Variants in SLFN5 observed in about 807,000 individuals in gnomAD.
The protein encoded by SLFN5 is schlafen family member 5.
Under a neutral mutation model 48.5 loss-of-function variants are expected in SLFN5, and 34 were observed. The observed-to-expected ratio is 0.70, with a 90% CI of 0.53 to 0.93. The LOEUF is 0.93. Among genes scored for constraint, SLFN5 ranks in the 40% least tolerant of loss-of-function variants. SLFN5 has a pLI of 0.00. For missense variants in SLFN5, 1,006 were observed against 1,071.3 expected (o/e 0.94, Z 0.85); for synonymous variants, 387 against 396.2 (o/e 0.98, Z 0.28).
At chr17:35,244,576 G>A (rs1028198835) in intron 1 of SLFN5, among the ~76,000 whole-genome samples, 5 of 152,314 alleles carry the variant, frequency 3.3e-5, no homozygotes, top group Admixed American at 6.5e-5. Context: ...TCCTGTGGCA[G>A]GATAACAGAC....
rs969024865 is a variant in SLFN5, at chr17:35,272,467, A to T, written c.*6579A>T. The T allele has an allele frequency of 6.6e-6, 1 of 152,168 alleles. No individual in the cohort carries two copies. Among genetic ancestry groups the T allele is most frequent in the African/African-American group, 2.4e-5 (1 of 41,436 alleles). The allele number at this position is 152,168 out of a possible 1,614,324, so 9.4% of individuals were successfully genotyped here. On this transcript the variant is annotated 3_prime_UTR_variant, in exon 5 of 5. Transcript: ENST00000299977. ...AGTGCATGAAGAAGAAGTAGCACTT[A>T]AAAAAATAATAATCTCAGCATGGGG...
chr17:35,245,374 G>T (rs2092428390), intron 1 of SLFN5, among the ~76,000 whole-genome samples: 1 of 152,166 alleles, frequency 6.6e-6, no homozygotes, highest in Non-Finnish European at 1.5e-5. Flanking sequence ...AGAGGGAGTG[G>T]ATGGCATGAG....
At chr17:35,259,813 C>A in intron 2 of SLFN5, 111 bp downstream of exon 2, 1 of 1,295,992 alleles carries the variant, frequency 7.7e-7, no homozygotes, top group Non-Finnish European at 1.0e-6. Context: ...AAGAGATTTA[C>A]TCTCTGATTT....
At chr17:35,256,236 G>A (rs1197694744) in intron 1 of SLFN5, among the ~76,000 whole-genome samples, 3 of 152,258 alleles carry the variant, frequency 2.0e-5, no homozygotes, top group African/African-American at 7.2e-5. Flanking sequence ...GCAGGCACCT[G>A]TAGTCCCAGA....
chr17:35,245,155 G>A (rs115143216), intron 1 of SLFN5, among the ~76,000 whole-genome samples: 2,351 of 152,216 alleles, frequency 0.015, 73 homozygotes, highest in African/African-American at 0.053. Flanking sequence ...CTTAAAGAAA[G>A]CACTTAAAGA....
intron 1 of SLFN5, among the ~76,000 whole-genome samples, chr17:35,246,093 T>C (rs949726927): frequency 5.3e-5 from 8 of 152,222 alleles, no homozygotes; most frequent in African/African-American, 1.7e-4. Flanking sequence ...CGACTAATGA[T>C]GTTGAGCATA....
chr17:35,245,319 C>T (rs1042927427), intron 1 of SLFN5, among the ~76,000 whole-genome samples: 4 of 152,112 alleles, frequency 2.6e-5, no homozygotes, highest in Non-Finnish European at 2.9e-5. Context: ...GTAGCATATA[C>T]GGGGTGAGTA....
In SLFN5 at chr17:35,266,099, G is replaced by T; in HGVS notation, c.*211G>T. 2 of 529,602 alleles carry T rather than the reference G, an allele frequency of 3.8e-6. No individual in the cohort carries two copies. The highest frequency in any genetic ancestry group is 6.6e-6 in the Non-Finnish European group (2 of 303,398). The allele number at this position is 529,602 out of a possible 1,614,324, so 32.8% of individuals were successfully genotyped here. ...ACAGATAGACAAGGAATTTCCCATG[G>T]TAAAAAGGGATATCAGTAATTAGAG... On this transcript the variant is annotated 3_prime_UTR_variant, in exon 5 of 5. Coordinates refer to ENST00000299977, the MANE Select transcript of SLFN5 (RefSeq NM_144975.4).
rs1489169016 is a variant in SLFN5, at chr17:35,264,885, C to T, written c.1841C>T (p.Pro614Leu). ...ANILYICENQ[P>L]LKKLVSFSKK... Reference sequence around the variant, plus strand: ...ATTCTCTACATCTGTGAAAACCAGCCCCTGAAGAAGTTGGTGAGGTATGCT... The same window carrying T: ...ATTCTCTACATCTGTGAAAACCAGCTCCTGAAGAAGTTGGTGAGGTATGCT... Residue 614 changes from proline (P) to leucine (L), a missense_variant, in exon 4 of 5, where the codon CCC becomes CTC. Pro to Leu is a moderately conservative substitution (Grantham distance 98). Transcript: ENST00000299977. 2 of 1,562,524 alleles carry T rather than the reference C, an allele frequency of 1.3e-6. No individual in the cohort carries two copies. Among genetic ancestry groups the T allele is most frequent in the Admixed American group, 2.0e-5 (1 of 49,000 alleles).
Position 35,264,666 on chromosome 17 carries a change from A to G in SLFN5, c.1622A>G (p.Lys541Arg), listed in dbSNP as rs759861649. 6 of 1,613,816 alleles carry G rather than the reference A, an allele frequency of 3.7e-6. No individual in the cohort carries two copies. The Admixed American group carries it at 8.3e-5, about 22-fold the overall frequency. Residue 541 changes from lysine (K) to arginine (R), a missense_variant, in exon 4 of 5, where the codon AAA (lysine) becomes AGA (arginine). Physicochemically the swap from Lys to Arg is conservative, Grantham distance 26. Transcript: ENST00000299977. ...QSLVIVLLGFKSFLSEELGSE... is the reference protein window; with the variant it reads ...QSLVIVLLGFRSFLSEELGSE... The stretch of plus-strand genomic sequence containing the variant: ...CTCGTGATAGTCTTGCTTGGGTTCA[A>G]ATCCTTCTTAAGTGAAGAGCTGGGC...
rs1308507037 is a variant in SLFN5 at position 35,266,206 on chromosome 17, G to A, written c.*318G>A. 2 of 197,796 alleles carry A rather than the reference G, an allele frequency of 1.0e-5. No individual in the cohort carries two copies. Among genetic ancestry groups the A allele is most frequent in the Non-Finnish European group, 1.0e-5 (1 of 97,396 alleles). The allele number at this position is 197,796 out of a possible 1,614,324, so 12.3% of individuals were successfully genotyped here. A position where few individuals can be genotyped will look rare whatever the true frequency, so the allele number is the denominator to read the frequency against. The stretch of plus-strand genomic sequence containing the variant: ...CGCGCGCACGTGCACATGTGTGTAG[G>A]TAGATGGAGGGGGTGATTATTTTGG... On this transcript the variant is annotated 3_prime_UTR_variant, in exon 5 of 5. Transcript: ENST00000299977.
chr17:35,250,754 G>A (rs2092440609), intron 1 of SLFN5, among the ~76,000 whole-genome samples: 1 of 151,910 alleles, frequency 6.6e-6, no homozygotes, highest in East Asian at 1.9e-4. Context: ...ACTTTGTTCA[G>A]AGAACAAGGA....
chr17:35,259,364 G>T lies in SLFN5; in HGVS notation c.674G>T (p.Gly225Val). ...TCTGCATTTGCAAATACTGAAGGAGGATATGTATTTTTTGGTGTGCATGAT... is the reference window on the plus strand; with the variant it reads ...TCTGCATTTGCAAATACTGAAGGAGTATATGTATTTTTTGGTGTGCATGAT... ...CVSAFANTEGGYVFFGVHDET... is the reference protein window; with the variant it reads ...CVSAFANTEGVYVFFGVHDET... The change falls in exon 2 of 5, where the codon GGA becomes GTA. Residue 225 changes from glycine (G) to valine (V), a missense_variant. Coordinates refer to ENST00000299977, the MANE Select transcript of SLFN5 (RefSeq NM_144975.4). 1 of 1,614,172 alleles carries T rather than the reference G, an allele frequency of 6.2e-7. No individual in the cohort carries two copies. The highest frequency in any genetic ancestry group is 8.5e-7 in the Non-Finnish European group (1 of 1,180,046).
In SLFN5 at chr17:35,266,587, AT is replaced by A. The variant is rs1319275896; in HGVS notation, c.*705del. The A allele has an allele frequency of 6.6e-6, 1 of 151,922 alleles. No individual in the cohort carries two copies. Among genetic ancestry groups the A allele is most frequent in the Non-Finnish European group, 1.5e-5 (1 of 67,974 alleles). The allele number at this position is 151,922 out of a possible 1,614,324, so 9.4% of individuals were successfully genotyped here. On this transcript the variant is annotated 3_prime_UTR_variant, in exon 5 of 5. Transcript: ENST00000299977. ...ATGTGGAATCTGTTCCTTAGCTCTGATTTTTTATTCTTATGGAGCGTCTTAG... is the reference window on the plus strand; with the variant it reads ...ATGTGGAATCTGTTCCTTAGCTCTGATTTTTATTCTTATGGAGCGTCTTAG...
chr17:35,253,890 A>AT (rs2092448899), intron 1 of SLFN5, among the ~76,000 whole-genome samples: 1 of 151,142 alleles, frequency 6.6e-6, no homozygotes, highest in African/African-American at 2.4e-5. Flanking sequence ...TAGAGATGGG[A>AT]TTTCACTGTG....
chr17:35,259,392 G>A lies in SLFN5; in HGVS notation c.702G>A (p.Glu234=), dbSNP rs151336360. The change falls in exon 2 of 5, where the codon GAG becomes GAA. Residue 234 remains glutamate (E), a synonymous_variant. Transcript: ENST00000299977. ...GGYVFFGVHD[E]TCQVIGCEKE... ...ATGTATTTTTTGGTGTGCATGATGA[G>A]ACTTGTCAAGTGATTGGATGTGAAA... 6.2e-7 allele frequency: 1 copy of A among 1,614,182 alleles called. No individual in the cohort carries two copies. Among genetic ancestry groups the A allele is most frequent in the African/African-American group, 1.3e-5 (1 of 75,060 alleles).
In SLFN5 at chr17:35,258,887, G is replaced by A. The variant is rs1403543334; in HGVS notation, c.197G>A (p.Gly66Asp). 6.2e-7 allele frequency: 1 copy of A among 1,614,174 alleles called. No homozygotes were observed. The highest frequency in any genetic ancestry group is 1.7e-5 in the Admixed American group (1 of 60,020). Residue 66 changes from glycine (G) to aspartate (D), a missense_variant, in exon 2 of 5, where the codon GGC becomes GAC. By Grantham distance (94) the Gly-to-Asp change is moderately conservative. Transcript: ENST00000299977. ...GIIKAEIENK[G>D]YNYERHGVGL... is the part of the protein sequence containing the mutation. ...ATCAAGGCTGAGATTGAGAACAAAG[G>A]CTACAATTATGAACGTCATGGAGTA... is the stretch of plus-strand genomic sequence containing the variant.
Position 35,266,059 on chromosome 17 carries a change from A to G in SLFN5, c.*171A>G. On this transcript the variant is annotated 3_prime_UTR_variant, in exon 5 of 5. Transcript: ENST00000299977. ...GATTCCTCCTTTAGGGCAGAGACAG[A>G]CCACTGACAAATACACAGATAGACA... is the stretch of plus-strand genomic sequence containing the variant. 1.5e-6 allele frequency: 1 copy of G among 666,452 alleles called. No individual in the cohort carries two copies. The allele number at this position is 666,452 out of a possible 1,614,324, so 41.3% of individuals were successfully genotyped here.
At position 35,265,185 on chromosome 17, in the gene SLFN5, A is replaced by T; in HGVS notation, c.1973A>T (p.Asp658Val). 6.2e-7 allele frequency: 1 copy of T among 1,614,182 alleles called. No individual in the cohort carries two copies. The highest frequency in any genetic ancestry group is 8.5e-7 in the Non-Finnish European group (1 of 1,180,030). The change falls in exon 5 of 5, where the codon GAT becomes GTT. Residue 658 changes from aspartate to valine, a missense_variant. Asp to Val is a radical substitution (Grantham distance 152). Coordinates refer to ENST00000299977, the MANE Select transcript of SLFN5 (RefSeq NM_144975.4). ...GACGCTCAGAATTTCCGTACTGAAG[A>T]TGGGGACTGGTATGGGAAAGCAAAG... ...IDDAQNFRTE[D>V]GDWYGKAKFI...
Sources: allele counts gnomAD v4.1 joint callset (sites outside exome capture counted in the v4.1 genomes callset), GRCh38; gene constraint gnomAD v4.1.1; transcripts MANE v1.5; gene names NCBI Gene and HGNC (gene_info 2026-07-23, HGNC 2026-07-21).